The following ZSCAN25 variants were observed in gnomAD, a reference collection of about 807,000 sequenced individuals.
ZSCAN25 encodes the protein zinc finger and SCAN domain containing 25, also known as zinc finger and SCAN domain-containing protein 25.
A neutral mutation model predicts 38.7 loss-of-function variants in ZSCAN25; 27 were observed. The ratio of observed to expected loss-of-function variants is 0.70; its 90% CI spans 0.51 to 0.96. The LOEUF (loss-of-function observed/expected upper bound fraction) is 0.96. Ranked by LOEUF, ZSCAN25 falls within the 40% of genes least tolerant of loss-of-function variation. The probability of loss-of-function intolerance (pLI) is 0.00; values close to 1 mark genes in which losing one functional copy is unlikely to be tolerated. For missense variants in ZSCAN25, 637 were observed against 705.9 expected (o/e 0.90, Z 1.11); for synonymous variants, 273 against 277.7 (o/e 0.98, Z 0.17).
At chr7:99,694,424 C>T in the ZSCAN25 span, among the ~76,000 whole-genome samples, 38,121 of 152,058 alleles carry the variant, frequency 0.25, 8,376 homozygotes, top group African/African-American at 0.58. Flanking sequence ...TCCAGCTTAA[C>T]ATGGAAGTTC....
At chr7:99,678,106 C>T in the ZSCAN25 span, among the ~76,000 whole-genome samples, 9 of 152,338 alleles carry the variant, frequency 5.9e-5, no homozygotes, top group African/African-American at 1.7e-4. Context: ...CATTTTCTGA[C>T]TCCTGGGCTG....
At chr7:99,621,314 T>C in intron 4 of ZSCAN25, 59 bp from the exon 5 acceptor site, 1 of 1,294,072 alleles carries the variant, frequency 7.7e-7, no homozygotes, top group Non-Finnish European at 1.0e-6. Context: ...TTAGTTCAAC[T>C]CCCTTCATAA....
the ZSCAN25 span, among the ~76,000 whole-genome samples, chr7:99,656,936 A>G: frequency 1.3e-5 from 2 of 152,014 alleles, no homozygotes; most frequent in African/African-American, 2.4e-5. Context: ...TATCCCCTTT[A>G]TCATTTTTAT....
At chr7:99,625,795 T>C (rs1807418895) in intron 7 of ZSCAN25, among the ~76,000 whole-genome samples, 2 of 152,212 alleles carry the variant, frequency 1.3e-5, no homozygotes, top group African/African-American at 4.8e-5. Context: ...GGTTCTGTCC[T>C]TGTCCCCTCA....
chr7:99,710,704 C>T, the ZSCAN25 span: 1 of 1,613,678 alleles, frequency 6.2e-7, no homozygotes, highest in Middle Eastern at 1.7e-4. Flanking sequence ...TCACCTCCTC[C>T]CTCCTTCTCC....
chr7:99,703,097 C>G, the ZSCAN25 span, among the ~76,000 whole-genome samples: 1 of 152,142 alleles, frequency 6.6e-6, no homozygotes, highest in Non-Finnish European at 1.5e-5. Flanking sequence ...ATTTTGTATC[C>G]TGCAACTGCA....
the ZSCAN25 span, chr7:99,667,202 A>T: frequency 1.9e-6 from 1 of 533,840 alleles, no homozygotes; most frequent in Middle Eastern, 3.8e-4. Context: ...CATATTCAAG[A>T]TGCTCAATGG....
chr7:99,691,934 A>G, the ZSCAN25 span, among the ~76,000 whole-genome samples: 1 of 152,170 alleles, frequency 6.6e-6, no homozygotes, highest in East Asian at 1.9e-4. Context: ...TGATCCTGCA[A>G]TTATGATGTT....
At chr7:99,692,102 T>C in the ZSCAN25 span, among the ~76,000 whole-genome samples, 7 of 152,322 alleles carry the variant, frequency 4.6e-5, no homozygotes, top group East Asian at 1.3e-3. Flanking sequence ...GGTGACAAAA[T>C]CTCTCAGCAT....
the ZSCAN25 span, chr7:99,666,768 G>C: frequency 8.2e-5 from 132 of 1,608,132 alleles, no homozygotes; most frequent in African/African-American, 1.5e-3. Flanking sequence ...CTCCAGCATG[G>C]AGCAGTAAGT....
the ZSCAN25 span, chr7:99,734,898 G>GAACT: frequency 7.0e-7 from 1 of 1,438,580 alleles, no homozygotes; most frequent in Admixed American, 1.7e-5. Context: ...TGGGATGACA[G>GAACT]GTGTGAGCCA....
Position 99,619,842 on chromosome 7 carries a change from A to G in ZSCAN25, c.236A>G (p.Glu79Gly). Residue 79 changes from glutamate (E) to glycine (G), a missense_variant, in exon 4 of 8, where the codon GAG becomes GGG. Coordinates refer to ENST00000394152, the MANE Select transcript of ZSCAN25 (RefSeq NM_145115.3). ...RWLRPELHTK[E>G]QILELLVLEQ... is the part of the protein sequence containing the mutation. ...CTGAGGCCCGAGTTGCACACCAAGG[A>G]GCAGATCCTGGAGCTGCTGGTGCTG... The G allele has an allele frequency of 6.2e-7, 1 of 1,614,184 alleles. No individual in the cohort carries two copies. The highest frequency in any genetic ancestry group is 8.5e-7 in the Non-Finnish European group (1 of 1,180,022).
chr7:99,674,115 C>T, the ZSCAN25 span: 1 of 155,312 alleles, frequency 6.4e-6, no homozygotes, highest in South Asian at 2.1e-4. Context: ...ACAAAAGTGT[C>T]TACAAAAACC....
the ZSCAN25 span, among the ~76,000 whole-genome samples, chr7:99,639,804 G>A: frequency 0.069 from 10,455 of 152,188 alleles, 678 homozygotes; most frequent in South Asian, 0.25. Flanking sequence ...AGTAGCTCGC[G>A]TCTGTAATAC....
the ZSCAN25 span, chr7:99,730,938 A>G: frequency 1.1e-5 from 15 of 1,329,844 alleles, no homozygotes; most frequent in East Asian, 1.5e-4. Flanking sequence ...TGATGCCTAC[A>G]CGCTATTTCT....
chr7:99,667,347 A>T, the ZSCAN25 span, among the ~76,000 whole-genome samples: 1 of 152,144 alleles, frequency 6.6e-6, no homozygotes, highest in East Asian at 1.9e-4. Context: ...GTGGTAGGGA[A>T]CTGTTCTTCC....
At chr7:99,656,026 C>G in the ZSCAN25 span, among the ~76,000 whole-genome samples, 2 of 152,198 alleles carry the variant, frequency 1.3e-5, no homozygotes. Context: ...CATCTGCAAA[C>G]AGGGACAATT....
intron 1 of ZSCAN25, among the ~76,000 whole-genome samples, chr7:99,617,704 C>T (rs1262245289): frequency 6.6e-6 from 1 of 152,218 alleles, no homozygotes; most frequent in Non-Finnish European, 1.5e-5. Flanking sequence ...CACCACTGGT[C>T]TCCAGCTGGG....
Position 99,629,814 on chromosome 7 carries a change from CG to C in ZSCAN25, c.1431del (p.Arg478ValfsTer133). On this transcript the variant is annotated frameshift_variant, in exon 8 of 8. Coordinates refer to ENST00000394152, the MANE Select transcript of ZSCAN25 (RefSeq NM_145115.3). LOFTEE classifies it high-confidence loss of function. This position sits in a 1 kb window ranked among gnomAD's most constrained non-coding sequence, Gnocchi z 5.6. ...CAGGAATGCCAATCTGGCGGTGCACCGGCGTGCCCACACTGGCGAGAAGCCA... is the reference window on the plus strand; with the variant it reads ...CAGGAATGCCAATCTGGCGGTGCACCGCGTGCCCACACTGGCGAGAAGCCA... ...FSRNANLAVH[R>X]RAHTGEKPYG... The C allele has an allele frequency of 6.2e-7, 1 of 1,614,182 alleles. No individual in the cohort carries two copies. The highest frequency in any genetic ancestry group is 8.5e-7 in the Non-Finnish European group (1 of 1,180,024).
Sources: allele counts gnomAD v4.1 joint callset (sites outside exome capture counted in the v4.1 genomes callset), GRCh38; gene constraint gnomAD v4.1.1; non-coding constraint Gnocchi (gnomAD v3.1); transcripts MANE v1.5; gene names NCBI Gene and HGNC (gene_info 2026-07-23, HGNC 2026-07-21).